Variants in AMPH observed in about 807,000 individuals in gnomAD.
The protein encoded by AMPH is amphiphysin (Stiff-Mann syndrome with breast cancer 128kD autoantigen).
In AMPH, 49 loss-of-function variants were observed where a neutral mutation model predicts 99.1. The observed-to-expected ratio is 0.49, with a 90% CI of 0.39 to 0.63. The LOEUF is 0.63. AMPH is among the 20% of genes least tolerant of loss of function. AMPH has a pLI of 0.00. For synonymous variants in AMPH, 314 were observed against 317.3 expected, an observed-to-expected ratio of 0.99 and a Z score of 0.11; for missense variants, 759 against 863.4, an observed-to-expected ratio of 0.88 and a Z score of 1.52.
chr7:38,550,475 C>T (rs148868525), intron 1 of AMPH, among the ~76,000 whole-genome samples: 322 of 152,314 alleles, frequency 2.1e-3, no homozygotes, highest in Non-Finnish European at 3.8e-3. Flanking sequence ...AATGATCACA[C>T]GATACACCAC....
At chr7:38,404,691 A>T (rs1784934374) in intron 17 of AMPH, among the ~76,000 whole-genome samples, 1 of 152,206 alleles carries the variant, frequency 6.6e-6, no homozygotes. Flanking sequence ...GCTTCTTCAC[A>T]TGAGAAAGAA....
intron 17 of AMPH, among the ~76,000 whole-genome samples, chr7:38,414,149 T>C (rs1054183479): frequency 6.6e-6 from 1 of 152,228 alleles, no homozygotes; most frequent in Non-Finnish European, 1.5e-5. Context: ...ACAGAAATAT[T>C]CTAGCAAGAT....
At chr7:38,593,055 A>G (rs1261482564) in intron 1 of AMPH, among the ~76,000 whole-genome samples, 2 of 152,234 alleles carry the variant, frequency 1.3e-5, no homozygotes, top group African/African-American at 4.8e-5. Flanking sequence ...AAGTTATTCA[A>G]GTAGTAAAAC....
At chr7:38,569,263 A>T (rs1562833073) in intron 1 of AMPH, among the ~76,000 whole-genome samples, 1 of 145,254 alleles carries the variant, frequency 6.9e-6, no homozygotes, top group African/African-American at 2.5e-5. Flanking sequence ...TCTACTGTTT[A>T]AAAAAAAAAA....
chr7:38,595,661 T>C (rs1793025628), intron 1 of AMPH, among the ~76,000 whole-genome samples: 1 of 152,204 alleles, frequency 6.6e-6, no homozygotes, highest in African/African-American at 2.4e-5. Context: ...GATATGACTG[T>C]ACCCATCACC....
chr7:38,419,187 A>G (rs1306639389), intron 16 of AMPH, among the ~76,000 whole-genome samples: 1 of 152,142 alleles, frequency 6.6e-6, no homozygotes, highest in East Asian at 1.9e-4. Context: ...AGCAATCAAA[A>G]CACACCTCTA....
At chr7:38,630,234 T>C (rs941305891) in intron 1 of AMPH, among the ~76,000 whole-genome samples, 1 of 152,192 alleles carries the variant, frequency 6.6e-6, no homozygotes, top group East Asian at 1.9e-4. Flanking sequence ...TGGGGCTCAT[T>C]AGCCGGTGTT....
chr7:38,410,651 T>C lies in AMPH; in HGVS notation c.1398+7174A>G, dbSNP rs1785187019. Among the ~76,000 whole-genome samples, 3 of 152,242 alleles carry C rather than the reference T, an allele frequency of 2.0e-5. No individual in the cohort carries two copies. The South Asian group carries it at 6.2e-4, about 31-fold the overall frequency. On this transcript the variant is annotated intron_variant, in intron 17 of 20. Transcript: ENST00000356264. ...GGGGGAGCAGGAAGAGGTTATCATG[T>C]ACAACCCTCTTAAAGGAAGAATGAG...
Position 38,613,027 on chromosome 7 carries a change from G to C in AMPH, c.69+18256C>G, listed in dbSNP as rs78905290. Among the ~76,000 whole-genome samples, 466 of 152,050 alleles carry C rather than the reference G, an allele frequency of 3.1e-3. 13 individuals are homozygous for C. In the East Asian group the frequency reaches 0.069, roughly 22 times the overall value. Reference sequence around the variant, plus strand: ...TACCGTGCCAGTACTTAAAATATTAGTTCTGACTCTAACTGCAACCTTAAA... The same window carrying C: ...TACCGTGCCAGTACTTAAAATATTACTTCTGACTCTAACTGCAACCTTAAA... On this transcript the variant is annotated intron_variant, in intron 1 of 20. Transcript: ENST00000356264.
intron 2 of AMPH, among the ~76,000 whole-genome samples, chr7:38,516,216 A>AT (rs1372888143): frequency 2.6e-5 from 4 of 152,064 alleles, no homozygotes; most frequent in Non-Finnish European, 4.4e-5. Flanking sequence ...CCTTGAAGGC[A>AT]TTTTTTTTCA....
At chr7:38,570,310 C>T (rs1791897077) in intron 1 of AMPH, among the ~76,000 whole-genome samples, 1 of 152,178 alleles carries the variant, frequency 6.6e-6, no homozygotes, top group Admixed American at 6.5e-5. Flanking sequence ...AACATATGAT[C>T]ATCCAGAAAC....
Position 38,389,865 on chromosome 7 carries a change from T to A in AMPH, c.1919A>T (p.Glu640Val). 1 of 1,613,962 alleles carries A rather than the reference T, an allele frequency of 6.2e-7. No individual in the cohort carries two copies. The highest frequency in any genetic ancestry group is 1.3e-5 in the African/African-American group (1 of 75,034). Residue 640 changes from glutamate to valine, a missense_variant, in exon 20 of 21, where the codon GAA becomes GTA. Physicochemically the swap from Glu to Val is moderately radical, Grantham distance 121 (BLOSUM62 -2). Coordinates refer to ENST00000356264, the MANE Select transcript of AMPH (RefSeq NM_001635.4). ...LHDFEAANSD[E>V]LTLQRGDVVL... The stretch of plus-strand genomic sequence containing the variant: ...CACATCACCCCTTTGTAAGGTAAGT[T>A]CATCAGAATTTGCTGCCTCAAAATC...
chr7:38,575,519 T>C (rs536848678), intron 1 of AMPH, among the ~76,000 whole-genome samples: 1 of 152,166 alleles, frequency 6.6e-6, no homozygotes, highest in Non-Finnish European at 1.5e-5. Context: ...ATTCTCATGA[T>C]AGTTAGTGAG....
At position 38,518,177 on chromosome 7, in the gene AMPH, T is replaced by A. The variant is rs537616760; in HGVS notation, c.151-14473A>T. On this transcript the variant is annotated intron_variant, in intron 2 of 20. Transcript: ENST00000356264. ...GTCCACATGGTGATAATTCTACAGG[T>A]GCACAGAATGGAAGAACTTTGAGGA... is the stretch of plus-strand genomic sequence containing the variant. 6.8e-4 allele frequency among the ~76,000 whole-genome samples: 103 copies of A among 152,296 alleles called. 1 individual carries two copies. The highest frequency in any genetic ancestry group is 2.6e-4 in the Admixed American group (4 of 15,298).
chr7:38,471,082 T>C (rs978653293), intron 7 of AMPH, among the ~76,000 whole-genome samples: 6 of 152,168 alleles, frequency 3.9e-5, no homozygotes, highest in Non-Finnish European at 8.8e-5. Flanking sequence ...TCACACACAG[T>C]AGGTGGTCAA....
At chr7:38,491,916 A>G (rs1000393041) in intron 4 of AMPH, among the ~76,000 whole-genome samples, 1 of 152,168 alleles carries the variant, frequency 6.6e-6, no homozygotes, top group Admixed American at 6.5e-5. Flanking sequence ...TTTTTATCCC[A>G]GCTGTGTGAC....
At chr7:38,389,645 A>G (rs1301336904) in intron 20 of AMPH, among the ~76,000 whole-genome samples, 159 bp downstream of exon 20, 1 of 152,158 alleles carries the variant, frequency 6.6e-6, no homozygotes, top group African/African-American at 2.4e-5. Context: ...TGTCCTAGAA[A>G]CCTCGTTAAT....
At chr7:38,434,757 A>G (rs1007656054) in intron 12 of AMPH, among the ~76,000 whole-genome samples, 23 of 144,760 alleles carry the variant, frequency 1.6e-4, no homozygotes, top group Admixed American at 1.6e-3. Context: ...AAAAAAAAAA[A>G]GAAGCATGGA....
At chr7:38,630,919 G>A (rs1165228869) in intron 1 of AMPH, among the ~76,000 whole-genome samples, 3 of 152,194 alleles carry the variant, frequency 2.0e-5, no homozygotes, top group Admixed American at 2.0e-4. Flanking sequence ...CGAGCGCAGG[G>A]AGATGCGCTC....
Sources: allele counts gnomAD v4.1 joint callset (sites outside exome capture counted in the v4.1 genomes callset), GRCh38; gene constraint gnomAD v4.1.1; transcripts MANE v1.5; gene names NCBI Gene and HGNC (gene_info 2026-07-23, HGNC 2026-07-21).